The following FILIP1L variants were observed in gnomAD, a reference collection of about 807,000 sequenced individuals.
FILIP1L encodes the protein filamin A-interacting protein 1-like.
In FILIP1L, 55 loss-of-function variants were observed where a neutral mutation model predicts 96.6. That is an observed-to-expected ratio of 0.57 (90% CI 0.46 to 0.71). FILIP1L has a LOEUF of 0.71. Ranked by LOEUF, FILIP1L falls within the 30% of genes least tolerant of loss-of-function variation. FILIP1L has a pLI of 0.00. For synonymous variants in FILIP1L, 467 were observed against 473.9 expected, an observed-to-expected ratio of 0.99 and a Z score of 0.19; for missense variants, 1,304 against 1,321.2, an observed-to-expected ratio of 0.99 and a Z score of 0.20.
intron 1 of FILIP1L, among the ~76,000 whole-genome samples, chr3:99,934,634 A>G (rs1707599572): frequency 6.6e-6 from 1 of 152,190 alleles, no homozygotes; most frequent in South Asian, 2.1e-4. Flanking sequence ...AATTTGCTAA[A>G]CATTGTTCAT....
intron 4 of FILIP1L, among the ~76,000 whole-genome samples, chr3:99,923,348 A>C (rs958493452): frequency 9.2e-5 from 14 of 152,094 alleles, no homozygotes; most frequent in Admixed American, 4.6e-4. Flanking sequence ...CATACTCAAC[A>C]TGTCTAAACC....
At chr3:99,931,270 T>C (rs928446276) in intron 1 of FILIP1L, among the ~76,000 whole-genome samples, 3 of 152,170 alleles carry the variant, frequency 2.0e-5, no homozygotes, top group Non-Finnish European at 4.4e-5. Context: ...AGGCCACTTA[T>C]GTCCATGGGT....
chr3:99,925,829 A>G, intron 3 of FILIP1L: 1 of 985,292 alleles, frequency 1.0e-6, no homozygotes, highest in Non-Finnish European at 1.2e-6. Context: ...CATCACAGTC[A>G]GATGGAGTTA....
rs1315543073 is a variant in FILIP1L at position 99,849,943 on chromosome 3, C to A, written c.1733G>T (p.Gly578Val). 6.2e-7 allele frequency: 1 copy of A among 1,613,084 alleles called. No individual in the cohort carries two copies. The highest frequency in any genetic ancestry group is 1.7e-5 in the Admixed American group (1 of 59,888). ...ATTAACTCTTGACAGGAGATCATTTCCTTTCTCTTCTTCCGCTTTCAATTT... is the reference window on the plus strand; with the variant it reads ...ATTAACTCTTGACAGGAGATCATTTACTTTCTCTTCTTCCGCTTTCAATTT... ...KNKLKAEEEK[G>V]NDLLSRVNML... is the part of the protein sequence containing the mutation. Residue 578 changes from glycine (G) to valine (V), a missense_variant, in exon 5 of 6, where the codon GGA becomes GTA. Coordinates refer to ENST00000477258, the MANE Select transcript of FILIP1L (RefSeq NM_001387850.1).
chr3:99,883,427 G>T (rs948550749), intron 4 of FILIP1L, among the ~76,000 whole-genome samples: 2 of 152,166 alleles, frequency 1.3e-5, no homozygotes, highest in South Asian at 2.1e-4. Flanking sequence ...GTGTCCAAAA[G>T]GTTGGTGCTT....
At chr3:99,932,289 G>A (rs1231303485) in intron 1 of FILIP1L, among the ~76,000 whole-genome samples, 1 of 151,934 alleles carries the variant, frequency 6.6e-6, no homozygotes, top group African/African-American at 2.4e-5. Context: ...GCTGAACAAT[G>A]TATAGTATTA....
At chr3:99,900,603 G>T (rs975182028) in intron 4 of FILIP1L, among the ~76,000 whole-genome samples, 2 of 152,176 alleles carry the variant, frequency 1.3e-5, no homozygotes, top group Non-Finnish European at 2.9e-5. Flanking sequence ...AAAGTTATTT[G>T]TTCCAACCAT....
chr3:99,850,431 T>C lies in FILIP1L; in HGVS notation c.1245A>G (p.Leu415=). ...TTCTTTTACTGAGTTTTTCAACCTC[T>C]AGTTTAAAGTCTTTACTCTGTAACG... ...RETLQSKDFK[L]EVEKLSKRIM... The change falls in exon 5 of 6, where the codon CTA becomes CTG. Residue 415 remains leucine, a synonymous_variant. Transcript: ENST00000477258. 6.2e-7 allele frequency: 1 copy of C among 1,614,092 alleles called. No homozygotes were observed. The highest frequency in any genetic ancestry group is 8.5e-7 in the Non-Finnish European group (1 of 1,180,018).
intron 1 of FILIP1L, among the ~76,000 whole-genome samples, chr3:99,938,960 A>T (rs2107673956): frequency 6.6e-6 from 1 of 152,348 alleles, no homozygotes; most frequent in Non-Finnish European, 1.5e-5. Context: ...TAATTTAGTA[A>T]TTGGCCTCCG....
intron 4 of FILIP1L, among the ~76,000 whole-genome samples, chr3:99,878,070 A>G (rs1705595120): frequency 6.6e-6 from 1 of 152,208 alleles, no homozygotes; most frequent in South Asian, 2.1e-4. Flanking sequence ...AGAATAGAGG[A>G]AAGAGGATTA....
chr3:100,002,805 C>G (rs1709880915), intron 1 of FILIP1L, among the ~76,000 whole-genome samples: 1 of 152,088 alleles, frequency 6.6e-6, no homozygotes, highest in Admixed American at 6.5e-5. Context: ...GTTATACATC[C>G]CACCCCTATG....
intron 1 of FILIP1L, among the ~76,000 whole-genome samples, chr3:99,957,671 TCCTTTTC>T (rs1411192995): frequency 1.3e-5 from 2 of 149,036 alleles, no homozygotes; most frequent in Admixed American, 1.3e-4. Flanking sequence ...TTGGCACTTC[TCCTTTTC>T]TCTTTTCTTT....
At chr3:99,900,201 A>G (rs1706391083) in intron 4 of FILIP1L, among the ~76,000 whole-genome samples, 1 of 152,226 alleles carries the variant, frequency 6.6e-6, no homozygotes, top group Admixed American at 6.5e-5. Flanking sequence ...TTATGACTAC[A>G]GGATGGAAGT....
intron 1 of FILIP1L, among the ~76,000 whole-genome samples, chr3:100,068,148 A>C (rs1003053700): frequency 2.0e-5 from 3 of 152,278 alleles, no homozygotes; most frequent in South Asian, 2.1e-4. Context: ...ATGCACATTT[A>C]ATCAAAGAAA....
chr3:100,064,363 C>CTCTTTT (rs1360241157), intron 1 of FILIP1L, among the ~76,000 whole-genome samples: 2 of 151,908 alleles, frequency 1.3e-5, no homozygotes, highest in African/African-American at 4.8e-5. Context: ...CCCACGGCCT[C>CTCTTTT]TCTTTTTCCA....
chr3:100,089,185 A>G (rs560611650), intron 1 of FILIP1L, among the ~76,000 whole-genome samples: 3 of 152,270 alleles, frequency 2.0e-5, no homozygotes, highest in Middle Eastern at 3.4e-3. Context: ...ATACATTCCA[A>G]CGTCTAGCTC....
chr3:100,077,759 A>T (rs776432968), intron 1 of FILIP1L, among the ~76,000 whole-genome samples: 1 of 152,134 alleles, frequency 6.6e-6, no homozygotes, highest in Non-Finnish European at 1.5e-5. Context: ...GAAATAAAAA[A>T]ATTAGCCAAG....
At chr3:99,875,173 C>T (rs1336326979) in intron 4 of FILIP1L, among the ~76,000 whole-genome samples, 1 of 152,092 alleles carries the variant, frequency 6.6e-6, no homozygotes, top group Non-Finnish European at 1.5e-5. Flanking sequence ...TTAATTCCTA[C>T]GTTGACTTTT....
intron 1 of FILIP1L, among the ~76,000 whole-genome samples, chr3:99,990,519 A>G (rs1709480798): frequency 6.6e-6 from 1 of 152,214 alleles, no homozygotes; most frequent in Non-Finnish European, 1.5e-5. Flanking sequence ...TATTAAATGA[A>G]TATCTATTAT....
Sources: gnomAD v4.1 joint callset for allele counts (sites outside exome capture counted in the v4.1 genomes callset) on GRCh38, gnomAD v4.1.1 for gene constraint, MANE v1.5 for transcripts, NCBI Gene and HGNC (gene_info 2026-07-23, HGNC 2026-07-21) for gene names.